The following SGCZ variants were observed in gnomAD, a reference collection of about 807,000 sequenced individuals.
SGCZ encodes the protein zeta-sarcoglycan.
Under a neutral mutation model 41.3 loss-of-function variants are expected in SGCZ, and 40 were observed. That is an observed-to-expected ratio of 0.97 (90% CI 0.75 to 1.26). The LOEUF is 1.26. SGCZ is among the 50% of genes most tolerant of loss of function. SGCZ has a pLI of 0.00. For synonymous variants in SGCZ, 206 were observed against 137.5 expected, an observed-to-expected ratio of 1.50 and a Z score of -3.49; for missense variants, 552 against 369.8, an observed-to-expected ratio of 1.49 and a Z score of -4.04.
chr8:14,255,575 A>C (rs1449682754), intron 3 of SGCZ, among the ~76,000 whole-genome samples: 2 of 152,138 alleles, frequency 1.3e-5, no homozygotes, highest in African/African-American at 2.4e-5. Context: ...ACAAAGTATA[A>C]ATTTATTAAA....
intron 1 of SGCZ, among the ~76,000 whole-genome samples, chr8:15,193,587 G>A (rs1422472999): frequency 6.6e-6 from 1 of 151,996 alleles, no homozygotes; most frequent in Non-Finnish European, 1.5e-5. Flanking sequence ...ACAACCAAGA[G>A]ATGGTAGAAT....
At chr8:15,080,710 C>T (rs970686826) in intron 1 of SGCZ, among the ~76,000 whole-genome samples, 1 of 152,038 alleles carries the variant, frequency 6.6e-6, no homozygotes, top group Admixed American at 6.6e-5. Flanking sequence ...GCTGCCTCAG[C>T]CTCCCAAGTA....
chr8:14,825,362 T>C (rs1802266006), intron 1 of SGCZ, among the ~76,000 whole-genome samples: 1 of 152,196 alleles, frequency 6.6e-6, no homozygotes. Context: ...AATTTTTTAA[T>C]ACATGTGCTT....
chr8:14,237,184 A>G (rs17118852), intron 4 of SGCZ, among the ~76,000 whole-genome samples: 7,000 of 152,234 alleles, frequency 0.046, 455 homozygotes, highest in African/African-American at 0.14. Context: ...TGCATTTCAT[A>G]ATTCAAGAGT....
At chr8:14,605,548 G>T (rs2117324299) in intron 1 of SGCZ, among the ~76,000 whole-genome samples, 1 of 151,694 alleles carries the variant, frequency 6.6e-6, no homozygotes, top group Non-Finnish European at 1.5e-5. Context: ...CACTCCCCAA[G>T]CCCCTCCATG....
intron 2 of SGCZ, among the ~76,000 whole-genome samples, chr8:14,358,379 C>T (rs17299177): frequency 0.051 from 7,737 of 152,154 alleles, 274 homozygotes; most frequent in Non-Finnish European, 0.082. Context: ...TCATCATTAT[C>T]TACAAATCAT....
At chr8:14,404,804 C>A (rs927029274) in intron 2 of SGCZ, among the ~76,000 whole-genome samples, 2 of 152,178 alleles carry the variant, frequency 1.3e-5, no homozygotes, top group South Asian at 2.1e-4. Flanking sequence ...CAAATTACAT[C>A]GTCTAGGCTT....
intron 1 of SGCZ, among the ~76,000 whole-genome samples, chr8:14,650,855 G>T (rs17252297): frequency 0.15 from 23,211 of 151,960 alleles, 2,229 homozygotes; most frequent in Admixed American, 0.23. Context: ...GGAGTGATAT[G>T]TTATACCTAT....
In SGCZ at chr8:15,026,488, A is replaced by C. The variant is rs111377574; in HGVS notation, c.39+211097T>G. Among the ~76,000 whole-genome samples the C allele has an allele frequency of 3.9e-3, 593 of 152,346 alleles. 6 individuals carry two copies. The highest frequency in any genetic ancestry group is 6.1e-3 in the Non-Finnish European group (414 of 68,016). The stretch of plus-strand genomic sequence containing the variant: ...ACAGACAAAAAGTTTGCTCTTATGC[A>C]TCAAAATAAGGCATAAAGAAGTTCA... On this transcript the variant is annotated intron_variant, in intron 1 of 7. Coordinates refer to ENST00000382080, the MANE Select transcript of SGCZ (RefSeq NM_139167.4).
intron 1 of SGCZ, among the ~76,000 whole-genome samples, chr8:14,752,944 T>C (rs573321650): frequency 6.6e-6 from 1 of 152,276 alleles, no homozygotes; most frequent in African/African-American, 2.4e-5. Flanking sequence ...TCTGAAATAG[T>C]AGGATAGTAT....
At chr8:14,378,326 T>A (rs528441964) in intron 2 of SGCZ, among the ~76,000 whole-genome samples, 37 of 152,268 alleles carry the variant, frequency 2.4e-4, no homozygotes, top group Admixed American at 2.2e-3. Context: ...CATAAATGTC[T>A]TCTTAGAAAA....
At chr8:15,069,250 T>C (rs1805264479) in intron 1 of SGCZ, among the ~76,000 whole-genome samples, 1 of 152,132 alleles carries the variant, frequency 6.6e-6, no homozygotes, top group African/African-American at 2.4e-5. Context: ...CCCAGGTTGG[T>C]CTCAAACTCT....
intron 1 of SGCZ, among the ~76,000 whole-genome samples, chr8:14,739,249 G>A (rs952047426): frequency 6.6e-6 from 1 of 151,814 alleles, no homozygotes; most frequent in African/African-American, 2.4e-5. Flanking sequence ...TACAGCATCT[G>A]CATATAAGAC....
At chr8:15,186,155 G>C (rs112391392) in intron 1 of SGCZ, among the ~76,000 whole-genome samples, 2 of 150,486 alleles carry the variant, frequency 1.3e-5, no homozygotes, top group Non-Finnish European at 1.5e-5. Context: ...CCAGCTACTC[G>C]GGAGGCTGAG....
intron 1 of SGCZ, among the ~76,000 whole-genome samples, chr8:15,152,982 C>T (rs1799225697): frequency 6.6e-6 from 1 of 152,034 alleles, no homozygotes; most frequent in Non-Finnish European, 1.5e-5. Context: ...CTCCAAGCCT[C>T]AAAGAAATCA....
chr8:14,242,104 C>A (rs1284180932), intron 3 of SGCZ, among the ~76,000 whole-genome samples: 1 of 152,090 alleles, frequency 6.6e-6, no homozygotes, highest in African/African-American at 2.4e-5. Context: ...AACAATCATA[C>A]AAACAGAGAA....
At chr8:15,004,708 A>G (rs968930081) in intron 1 of SGCZ, among the ~76,000 whole-genome samples, 1 of 152,166 alleles carries the variant, frequency 6.6e-6, no homozygotes, top group Non-Finnish European at 1.5e-5. Context: ...CCAAGACAAC[A>G]AAAGACTGAG....
chr8:14,596,428 A>G (rs1381918373), intron 1 of SGCZ, among the ~76,000 whole-genome samples: 2 of 152,226 alleles, frequency 1.3e-5, no homozygotes, highest in African/African-American at 2.4e-5. Context: ...TAAACATTTA[A>G]TGAGGATAAT....
chr8:15,234,446 A>C (rs1286932550), intron 1 of SGCZ, among the ~76,000 whole-genome samples: 4 of 152,254 alleles, frequency 2.6e-5, no homozygotes, highest in Admixed American at 2.6e-4. Context: ...CAGAGATCAA[A>C]GGGAAAAGAA....
Sources: gnomAD v4.1 joint callset for allele counts (sites outside exome capture counted in the v4.1 genomes callset) on GRCh38, gnomAD v4.1.1 for gene constraint, MANE v1.5 for transcripts, NCBI Gene and HGNC (gene_info 2026-07-23, HGNC 2026-07-21) for gene names.